ADAMTS20: variants seen among roughly 807,000 people sequenced by gnomAD.
The protein encoded by ADAMTS20 is ADAM metallopeptidase with thrombospondin type 1 motif 20, also known as A disintegrin and metalloproteinase with thrombospondin motifs 20.
In ADAMTS20, 225 loss-of-function variants were observed where a neutral mutation model predicts 260.1. The ratio of observed to expected loss-of-function variants is 0.87; its 90% CI spans 0.78 to 0.97. ADAMTS20 has a LOEUF of 0.97. Ranked by LOEUF, ADAMTS20 falls within the 50% of genes least tolerant of loss-of-function variation. The pLI is 0.00. For synonymous variants in ADAMTS20, 802 were observed against 769.5 expected (o/e 1.04, Z -0.70); for missense variants, 2,400 against 2,337.7 (o/e 1.03, Z -0.55).
rs189569963 is a variant in ADAMTS20 at position 43,439,169 on chromosome 12, A to T, written c.2593+453T>A. On this transcript the variant is annotated intron_variant, in intron 18 of 38. Transcript: ENST00000389420. Reference sequence around the variant, plus strand: ...TTTCTTTCCATTTTTCATGCCATCTATACAATTATACTTTCTCATGGTCAG... The same window carrying T: ...TTTCTTTCCATTTTTCATGCCATCTTTACAATTATACTTTCTCATGGTCAG... 5.7e-4 allele frequency among the ~76,000 whole-genome samples: 86 copies of T among 152,194 alleles called. 1 individual carries two copies. The East Asian group carries it at 0.015, about 26-fold the overall frequency.
In ADAMTS20 at chr12:43,431,352, GC is replaced by G. The variant is rs1242490455; in HGVS notation, c.3240del (p.Trp1080CysfsTer3). 6.2e-7 allele frequency: 1 copy of G among 1,613,804 alleles called. No individual in the cohort carries two copies. The highest frequency in any genetic ancestry group is 2.2e-5 in the East Asian group (1 of 44,868). On this transcript the variant is annotated frameshift_variant, in exon 22 of 39. Coordinates refer to ENST00000389420, the MANE Select transcript of ADAMTS20 (RefSeq NM_025003.5). LOFTEE classifies it high-confidence loss of function. Reference protein sequence around the residue: ...SPCELHTCASWQVGPWGPCTT... With the variant: ...SPCELHTCASXQVGPWGPCTT... ...CTCACAGGACCCCATGGTCCTACTT[GC>G]CAGGAAGCACATGTATGAAGTTCAC...
intron 7 of ADAMTS20, among the ~76,000 whole-genome samples, chr12:43,469,938 C>G (rs1316254911): frequency 6.6e-6 from 1 of 152,208 alleles, no homozygotes. Context: ...GATTTGCTCT[C>G]TTTCTGACCA....
In ADAMTS20 at chr12:43,432,408, C is replaced by T; in HGVS notation, c.2992G>A (p.Gly998Ser). Reference protein sequence around the residue: ...SRESYCMNNFGHRLADNECQE... With the variant: ...SRESYCMNNFSHRLADNECQE... ...CATTCATTGTCAGCAAGACGATGGC[C>T]AAAGTTATTCATACAATAAGATTCT... The change falls in exon 21 of 39, where the codon GGC (glycine) becomes AGC (serine). Residue 998 changes from glycine to serine, a missense_variant. Gly to Ser is a moderately conservative substitution (Grantham distance 56). Transcript: ENST00000389420. 6.2e-7 allele frequency: 1 copy of T among 1,613,244 alleles called. No individual in the cohort carries two copies. The highest frequency in any genetic ancestry group is 8.5e-7 in the Non-Finnish European group (1 of 1,179,784).
chr12:43,383,202 C>G (rs1940392232), intron 31 of ADAMTS20, among the ~76,000 whole-genome samples: 1 of 152,060 alleles, frequency 6.6e-6, no homozygotes, highest in Admixed American at 6.6e-5. Context: ...TGTGTTAAAA[C>G]TTATTAAGCT....
At chr12:43,358,764 G>A (rs1939802132) in intron 37 of ADAMTS20, among the ~76,000 whole-genome samples, 1 of 148,450 alleles carries the variant, frequency 6.7e-6, no homozygotes, top group Non-Finnish European at 1.5e-5. Context: ...GTGAACCCGG[G>A]AGGCGGAGCT....
intron 37 of ADAMTS20, among the ~76,000 whole-genome samples, chr12:43,359,330 T>C (rs1363608669): frequency 6.6e-6 from 1 of 152,172 alleles, no homozygotes; most frequent in Non-Finnish European, 1.5e-5. Flanking sequence ...AGATGCAAGT[T>C]TTAACGTTTC....
intron 8 of ADAMTS20, 66 bp from the exon 9 acceptor site, chr12:43,466,861 T>C (rs1942163900): frequency 8.4e-7 from 1 of 1,184,924 alleles, no homozygotes; most frequent in Non-Finnish European, 1.2e-6. Context: ...TAATAGATCC[T>C]TTATAGTCAC....
At chr12:43,482,119 A>G (rs1255959304) in intron 7 of ADAMTS20, among the ~76,000 whole-genome samples, 1 of 152,340 alleles carries the variant, frequency 6.6e-6, no homozygotes, top group African/African-American at 2.4e-5. Flanking sequence ...TCCAGCAGGG[A>G]TGGAAGAAAG....
At chr12:43,392,547 T>C (rs1940617616) in intron 29 of ADAMTS20, among the ~76,000 whole-genome samples, 1 of 152,114 alleles carries the variant, frequency 6.6e-6, no homozygotes, top group South Asian at 2.1e-4. Context: ...TGTTTTTCAG[T>C]TTTTAGGAAT....
At chr12:43,358,383 G>C (rs187561724) in intron 37 of ADAMTS20, among the ~76,000 whole-genome samples, 1 of 152,190 alleles carries the variant, frequency 6.6e-6, no homozygotes, top group Admixed American at 6.5e-5. Flanking sequence ...AAAAAAAATG[G>C]TAAAACAATT....
In ADAMTS20 at chr12:43,383,672, G is replaced by T. The variant is rs1254401489; in HGVS notation, c.4683C>A (p.Asn1561Lys). ...CTATTTCATTCACTTGTCTGATTTGGTTATCTGTGCACTCCATTCGTTGAT... is the reference window on the plus strand; with the variant it reads ...CTATTTCATTCACTTGTCTGATTTGTTTATCTGTGCACTCCATTCGTTGAT... ...DSHQRMECTD[N>K]QIRQVNEIVY... is the part of the protein sequence containing the mutation. Residue 1561 changes from asparagine (N) to lysine (K), a missense_variant, in exon 31 of 39, where the codon AAC (asparagine) becomes AAA (lysine). By Grantham distance (94) the Asn-to-Lys change is moderately conservative (BLOSUM62 0). Coordinates refer to ENST00000389420, the MANE Select transcript of ADAMTS20 (RefSeq NM_025003.5). 2 of 1,613,884 alleles carry T rather than the reference G, an allele frequency of 1.2e-6. No individual in the cohort carries two copies. The highest frequency in any genetic ancestry group is 1.7e-6 in the Non-Finnish European group (2 of 1,179,838).
At chr12:43,459,179 C>T (rs964026446) in intron 11 of ADAMTS20, among the ~76,000 whole-genome samples, 15 of 152,188 alleles carry the variant, frequency 9.9e-5, no homozygotes, top group African/African-American at 3.6e-4. Flanking sequence ...CCTACCACTG[C>T]TGTTTGCTGC....
At chr12:43,470,668 C>T (rs1440926034) in intron 7 of ADAMTS20, among the ~76,000 whole-genome samples, 2 of 152,164 alleles carry the variant, frequency 1.3e-5, no homozygotes, top group African/African-American at 2.4e-5. Flanking sequence ...ATCTAGCCAT[C>T]CTGAAGAATG....
chr12:43,535,043 T>C (rs987828762), intron 2 of ADAMTS20, among the ~76,000 whole-genome samples: 65 of 152,152 alleles, frequency 4.3e-4, no homozygotes, highest in African/African-American at 1.5e-3. Flanking sequence ...CCAGAAAGTT[T>C]TTCCTTGACC....
At chr12:43,436,347 C>A (rs1329395861) in intron 18 of ADAMTS20, among the ~76,000 whole-genome samples, 1 of 151,904 alleles carries the variant, frequency 6.6e-6, no homozygotes, top group Non-Finnish European at 1.5e-5. Flanking sequence ...ATGGTTAGAC[C>A]ACTAGCTTCC....
At position 43,428,366 on chromosome 12, in the gene ADAMTS20, G is replaced by C; in HGVS notation, c.3820C>G (p.Pro1274Ala). ...PPAHSHFPSSPVQPSYYLSTN... is the reference protein window; with the variant it reads ...PPAHSHFPSSAVQPSYYLSTN... ...CTTAGATAATAGCTTGGCTGCACAG[G>C]GGAACTAGGAAAGTGGCTGTGTGCA... Residue 1274 changes from proline to alanine, a missense_variant, in exon 26 of 39, where the codon CCT (proline) becomes GCT (alanine). By Grantham distance (27) the Pro-to-Ala change is conservative (BLOSUM62 -1). Transcript: ENST00000389420. The C allele has an allele frequency of 1.2e-6, 2 of 1,613,816 alleles. No homozygotes were observed. Among genetic ancestry groups the C allele is most frequent in the Non-Finnish European group, 1.7e-6 (2 of 1,179,840 alleles).
intron 3 of ADAMTS20, among the ~76,000 whole-genome samples, chr12:43,504,292 G>A (rs2137451818): frequency 6.6e-6 from 1 of 152,198 alleles, no homozygotes; most frequent in East Asian, 1.9e-4. Context: ...TGGTTCTGAT[G>A]TGCATTTCTC....
At chr12:43,357,801 A>G (rs1033274529) in intron 37 of ADAMTS20, among the ~76,000 whole-genome samples, 9 of 152,224 alleles carry the variant, frequency 5.9e-5, no homozygotes, top group Non-Finnish European at 1.0e-4. Context: ...GTGCAGCATT[A>G]AAAACATTAA....
chr12:43,542,596 A>G (rs955758018), intron 2 of ADAMTS20, among the ~76,000 whole-genome samples: 4 of 152,030 alleles, frequency 2.6e-5, no homozygotes, highest in African/African-American at 4.8e-5. Flanking sequence ...ACTTTAGTAC[A>G]GTTGGAATTT....
Sources: gnomAD v4.1 joint callset for allele counts (sites outside exome capture counted in the v4.1 genomes callset) on GRCh38, gnomAD v4.1.1 for gene constraint, MANE v1.5 for transcripts, NCBI Gene and HGNC (gene_info 2026-07-23, HGNC 2026-07-21) for gene names.